Variants in TRPM8 observed in about 807,000 individuals in gnomAD.
TRPM8 encodes transient receptor potential cation channel subfamily M member 8, also known as TRPM8 cationic channel.
In TRPM8, 110 loss-of-function variants were observed where a neutral mutation model predicts 133.7. That is an observed-to-expected ratio of 0.82 (90% confidence interval 0.70 to 0.96). The LOEUF (loss-of-function observed/expected upper bound fraction) is 0.96. TRPM8 is among the 40% of genes least tolerant of loss of function. TRPM8 has a pLI of 0.00. For synonymous variants in TRPM8, 535 were observed against 532.3 expected (o/e 1.01, Z -0.07); for missense variants, 1,291 against 1,379.5 (o/e 0.94, Z 1.02).
chr2:234,006,758 T>A (rs1692702965), intron 22 of TRPM8, 95 bp from the exon 23 acceptor site: 1 of 868,146 alleles, frequency 1.2e-6, no homozygotes, highest in Admixed American at 2.1e-5. Context: ...TCATTCTTAG[T>A]TCTAGAGTCT....
intron 22 of TRPM8, among the ~76,000 whole-genome samples, chr2:233,997,321 C>T (rs1331022418): frequency 6.6e-6 from 1 of 152,140 alleles, no homozygotes; most frequent in Non-Finnish European, 1.5e-5. Flanking sequence ...AATATATTAG[C>T]CAGCCTATTA....
chr2:233,955,504 C>T, intron 11 of TRPM8: 1 of 287,018 alleles, frequency 3.5e-6, no homozygotes, highest in South Asian at 5.8e-5. Context: ...TTGCCTTCAG[C>T]TGCAAAGTGA....
At chr2:233,984,104 A>C (rs1254346250) in intron 20 of TRPM8, among the ~76,000 whole-genome samples, 1 of 152,160 alleles carries the variant, frequency 6.6e-6, no homozygotes, top group Admixed American at 6.5e-5. Context: ...TTTTAGCTCC[A>C]TGAGGATCTA....
intron 10 of TRPM8, 96 bp downstream of exon 10, chr2:233,954,115 AG>A: frequency 1.2e-6 from 1 of 816,428 alleles, no homozygotes; most frequent in South Asian, 2.2e-5. Context: ...CTTTATTGAA[AG>A]GCAAGCTTGT....
Position 233,927,783 on chromosome 2 carries a change from T to TTCCTTCCTTCCTTCCTTCC in TRPM8, c.117+1130_117+1131insCCTTCCTTCCTTCCTTCCT, listed in dbSNP as rs1691565989. 5.7e-5 allele frequency among the ~76,000 whole-genome samples: 2 copies of TTCCTTCCTTCCTTCCTTCC among 34,844 alleles called. 1 individual carries two copies. The highest frequency in any genetic ancestry group is 7.5e-4 in the African/African-American group (2 of 2,652). The allele number at this position is 34,844 out of a possible 152,430, so 22.9% of individuals were successfully genotyped here. A position where few individuals can be genotyped will look rare whatever the true frequency, so the allele number is the denominator to read the frequency against. On this transcript the variant is annotated intron_variant, in intron 2 of 25. Transcript: ENST00000324695. Reference sequence around the variant, plus strand: ...CTTTCTTTCTTTCTTTCTTTCTTTCTTTCTTTCTTTTCTTTCCTTCCTTCC... The same window carrying TTCCTTCCTTCCTTCCTTCC: ...CTTTCTTTCTTTCTTTCTTTCTTTCTTCCTTCCTTCCTTCCTTCCTTCTTTCTTTTCTTTCCTTCCTTCC...
chr2:234,006,513 A>G (rs918348812), intron 22 of TRPM8, among the ~76,000 whole-genome samples: 1 of 152,264 alleles, frequency 6.6e-6, no homozygotes, highest in African/African-American at 2.4e-5. Flanking sequence ...TGTCATCAAA[A>G]TGGAAGAAGA....
At position 234,008,055 on chromosome 2, in the gene TRPM8, T is replaced by C. The variant is rs752534621; in HGVS notation, c.3231-15T>C. 3.7e-6 allele frequency: 6 copies of C among 1,609,174 alleles called. No individual in the cohort carries two copies. In the East Asian group the frequency reaches 1.3e-4, roughly 36 times the overall value. On this transcript the variant is annotated splice_polypyrimidine_tract_variant and intron_variant, in intron 23 of 25. Coordinates refer to ENST00000324695, the MANE Select transcript of TRPM8 (RefSeq NM_024080.5). Reference sequence around the variant, plus strand: ...TTTCTCTTGTTCACTTTCTTTTTCATTAACTTCTTTGCAGAATGAGGCATC... The same window carrying C: ...TTTCTCTTGTTCACTTTCTTTTTCACTAACTTCTTTGCAGAATGAGGCATC...
chr2:233,990,977 TATTA>T (rs1452988770), intron 21 of TRPM8, among the ~76,000 whole-genome samples: 3 of 152,050 alleles, frequency 2.0e-5, no homozygotes, highest in Admixed American at 6.6e-5. Context: ...AGGAGGGAGT[TATTA>T]ATTGTGAGAT....
chr2:233,996,556 C>T (rs367745743), intron 22 of TRPM8, 40 bp downstream of exon 22: 29 of 1,583,612 alleles, frequency 1.8e-5, no homozygotes, highest in African/African-American at 2.7e-5. Flanking sequence ...TCAGAAGCAG[C>T]GATTAATTTC....
chr2:233,948,894 C>T lies in TRPM8; in HGVS notation c.943-1055C>T, dbSNP rs576116761. On this transcript the variant is annotated intron_variant, in intron 8 of 25. Coordinates refer to ENST00000324695, the MANE Select transcript of TRPM8 (RefSeq NM_024080.5). Reference sequence around the variant, plus strand: ...CTAAAAAATACAAAAATTAGCTGGGCGCAGTGGCAGGTGCCTGTAATCCCA... The same window carrying T: ...CTAAAAAATACAAAAATTAGCTGGGTGCAGTGGCAGGTGCCTGTAATCCCA... Among the ~76,000 whole-genome samples the T allele has an allele frequency of 3.6e-4, 55 of 152,226 alleles. 1 individual carries two copies. The South Asian group carries it at 8.5e-3, about 24-fold the overall frequency.
At chr2:233,935,344 T>C (rs951891192) in intron 3 of TRPM8, among the ~76,000 whole-genome samples, 2 of 152,192 alleles carry the variant, frequency 1.3e-5, no homozygotes, top group Non-Finnish European at 2.9e-5. Context: ...ACAAGGATGC[T>C]GGGGTGAGTG....
At chr2:234,016,627 A>G (rs116091740) in intron 25 of TRPM8, among the ~76,000 whole-genome samples, 2,025 of 152,166 alleles carry the variant, frequency 0.013, 44 homozygotes, top group African/African-American at 0.046. Flanking sequence ...CCTTGAATCA[A>G]CCTTTGATCC....
intron 3 of TRPM8, among the ~76,000 whole-genome samples, chr2:233,933,349 A>T (rs921406171): frequency 2.0e-5 from 3 of 152,082 alleles, no homozygotes; most frequent in African/African-American, 7.3e-5. Flanking sequence ...TAATTTATTT[A>T]ATTTCACTTA....
At chr2:234,010,063 T>C (rs1692798728) in intron 24 of TRPM8, among the ~76,000 whole-genome samples, 1 of 152,216 alleles carries the variant, frequency 6.6e-6, no homozygotes, top group Non-Finnish European at 1.5e-5. Context: ...CACCATGCTG[T>C]ACAGTTGATC....
chr2:233,995,788 T>C (rs1350952190), intron 21 of TRPM8, among the ~76,000 whole-genome samples: 1 of 152,182 alleles, frequency 6.6e-6, no homozygotes, highest in Non-Finnish European at 1.5e-5. Context: ...CAGTCATGCA[T>C]ATATATTCAT....
chr2:234,011,787 G>A (rs894826955), intron 24 of TRPM8, among the ~76,000 whole-genome samples: 20 of 151,950 alleles, frequency 1.3e-4, no homozygotes, highest in Non-Finnish European at 2.2e-4. Flanking sequence ...TGTGGTGGCA[G>A]GCACCTGTAG....
intron 2 of TRPM8, among the ~76,000 whole-genome samples, chr2:233,927,864 T>TC (rs1559516549): frequency 2.6e-5 from 1 of 38,860 alleles, no homozygotes; most frequent in East Asian, 1.8e-3. Context: ...TTCTTTCTCT[T>TC]TCTTTCTTTC....
chr2:234,000,141 C>T (rs1444101558), intron 22 of TRPM8, among the ~76,000 whole-genome samples: 2 of 145,106 alleles, frequency 1.4e-5, no homozygotes, highest in Non-Finnish European at 3.0e-5. Context: ...GACAGAGTCT[C>T]TCTGTGTTGC....
intron 21 of TRPM8, among the ~76,000 whole-genome samples, chr2:233,991,740 C>T (rs993143227): frequency 5.3e-5 from 8 of 152,142 alleles, no homozygotes; most frequent in Admixed American, 1.3e-4. Flanking sequence ...GCTTTGATTA[C>T]TGAAGTATTT....
Sources: gnomAD v4.1 joint callset for allele counts (sites outside exome capture counted in the v4.1 genomes callset) on GRCh38, gnomAD v4.1.1 for gene constraint, MANE v1.5 for transcripts, NCBI Gene and HGNC (gene_info 2026-07-23, HGNC 2026-07-21) for gene names.